Variants in LRRC17 observed in about 807,000 individuals in gnomAD.
The protein encoded by LRRC17 is leucine-rich repeat-containing protein 17.
Under a neutral mutation model 41.5 loss-of-function variants are expected in LRRC17, and 33 were observed. The ratio of observed to expected loss-of-function variants is 0.80; its 90% CI spans 0.60 to 1.06. LRRC17 has a LOEUF of 1.06. Among genes scored for constraint, LRRC17 ranks in the 50% least tolerant of loss-of-function variants. LRRC17 has a pLI of 0.00. For synonymous variants in LRRC17, 192 were observed against 197.0 expected (o/e 0.97, Z 0.21); for missense variants, 491 against 519.3 (o/e 0.95, Z 0.53).
intron 3 of LRRC17, 91 bp from the exon 4 acceptor site, chr7:102,944,119 C>A: frequency 4.2e-6 from 4 of 955,394 alleles, no homozygotes; most frequent in Non-Finnish European, 6.0e-6. Context: ...GAAAATTAAG[C>A]CTCTTTTTAA....
In LRRC17 at chr7:102,939,602, A is replaced by T; in HGVS notation, c.928+17A>T. 2 of 1,594,266 alleles carry T rather than the reference A, an allele frequency of 1.3e-6. No individual in the cohort carries two copies. The highest frequency in any genetic ancestry group is 1.7e-6 in the Non-Finnish European group (2 of 1,170,616). On this transcript the variant is annotated intron_variant, in intron 3 of 3. Transcript: ENST00000339431. Reference sequence around the variant, plus strand: ...TCGATCCTGGTAAGTTCCCCTGTATAGCCCCTTCAATGGGTGGCAAGTGTT... The same window carrying T: ...TCGATCCTGGTAAGTTCCCCTGTATTGCCCCTTCAATGGGTGGCAAGTGTT...
At chr7:102,934,955 C>T (rs982829990) in intron 2 of LRRC17, among the ~76,000 whole-genome samples, 6 of 152,208 alleles carry the variant, frequency 3.9e-5, no homozygotes, top group Admixed American at 6.5e-5. Flanking sequence ...CAAGCTGTCA[C>T]TGTAAGGAAT....
intron 1 of LRRC17, among the ~76,000 whole-genome samples, chr7:102,924,339 T>C (rs749704764): frequency 6.6e-6 from 1 of 152,096 alleles, no homozygotes; most frequent in Non-Finnish European, 1.5e-5. Context: ...CTGATTTAGA[T>C]CATCACTTCA....
intron 1 of LRRC17, among the ~76,000 whole-genome samples, chr7:102,924,238 C>CAA (rs564121170): frequency 3.7e-5 from 2 of 54,380 alleles, no homozygotes; most frequent in Non-Finnish European, 3.8e-5. Flanking sequence ...AACTCCGTCT[C>CAA]AAAAAAAAAA....
intron 3 of LRRC17, among the ~76,000 whole-genome samples, chr7:102,942,875 T>C (rs1175477891): frequency 2.0e-5 from 3 of 152,192 alleles, no homozygotes; most frequent in Non-Finnish European, 4.4e-5. Flanking sequence ...AATGAGATAA[T>C]GTTTGAAATA....
At chr7:102,920,484 G>T (rs1228909654) in intron 1 of LRRC17, among the ~76,000 whole-genome samples, 1 of 151,816 alleles carries the variant, frequency 6.6e-6, no homozygotes. Flanking sequence ...TGAGTAGCTG[G>T]GACTACAGGT....
chr7:102,916,067 T>C (rs1406282353), intron 1 of LRRC17, among the ~76,000 whole-genome samples: 2 of 151,694 alleles, frequency 1.3e-5, no homozygotes, highest in Admixed American at 1.3e-4. Flanking sequence ...CACTGCAACC[T>C]CCACCTCCCA....
intron 2 of LRRC17, among the ~76,000 whole-genome samples, chr7:102,937,345 CAA>C (rs373845836): frequency 7.0e-6 from 1 of 143,736 alleles, no homozygotes. Context: ...ACTAAAAATA[CAA>C]AAAAAAAAAA....
At chr7:102,933,582 G>C (rs1420494309) in intron 1 of LRRC17, 192 bp from the exon 2 acceptor site, 2 of 178,862 alleles carry the variant, frequency 1.1e-5, no homozygotes, top group Admixed American at 5.6e-5. Flanking sequence ...AAGCAGGTAA[G>C]AGAGCCTTGA....
intron 2 of LRRC17, among the ~76,000 whole-genome samples, chr7:102,937,721 T>C (rs1820607839): frequency 1.3e-5 from 2 of 152,208 alleles, no homozygotes; most frequent in Non-Finnish European, 2.9e-5. Flanking sequence ...TTTAGATTGA[T>C]GATGATAACT....
intron 1 of LRRC17, among the ~76,000 whole-genome samples, chr7:102,932,159 G>A (rs977181739): frequency 2.0e-5 from 3 of 152,140 alleles, no homozygotes; most frequent in Admixed American, 6.5e-5. Context: ...ATAGGAGTAA[G>A]GGGAAAAGAG....
At position 102,920,336 on chromosome 7, in the gene LRRC17, A is replaced by G. The variant is rs74783577; in HGVS notation, c.-141+7191A>G. 3.7e-3 allele frequency among the ~76,000 whole-genome samples: 569 copies of G among 152,260 alleles called. 5 individuals are homozygous for G. Among genetic ancestry groups the G allele is most frequent in the African/African-American group, 0.014 (562 of 41,534 alleles). ...AGTGCAGTAACATAAAAATCAAAAC[A>G]TAAAACAAGATGATAAAAATAAAAC... On this transcript the variant is annotated intron_variant, in intron 1 of 3. Transcript: ENST00000339431.
At position 102,944,683 on chromosome 7, in the gene LRRC17, T is replaced by A; in HGVS notation, c.*76T>A. 2 of 1,324,816 alleles carry A rather than the reference T, an allele frequency of 1.5e-6. No individual in the cohort carries two copies. The highest frequency in any genetic ancestry group is 2.0e-6 in the Non-Finnish European group (2 of 976,282). The allele number at this position is 1,324,816 out of a possible 1,614,324, so 82.1% of individuals were successfully genotyped here. A position where few individuals can be genotyped will look rare whatever the true frequency, so the allele number is the denominator to read the frequency against. ...TAGAAAACATATGTTTACATTTGAT[T>A]AACTGTGTTGCCTATTTATGCAGGG... On this transcript the variant is annotated 3_prime_UTR_variant, in exon 4 of 4. Coordinates refer to ENST00000339431, the MANE Select transcript of LRRC17 (RefSeq NM_001031692.3).
chr7:102,943,077 G>C (rs1271473459), intron 3 of LRRC17, among the ~76,000 whole-genome samples: 1 of 152,108 alleles, frequency 6.6e-6, no homozygotes, highest in African/African-American at 2.4e-5. Context: ...AAAGCTGATA[G>C]CTACCATAGT....
intron 3 of LRRC17, among the ~76,000 whole-genome samples, chr7:102,943,697 A>G (rs1821911793): frequency 1.3e-5 from 2 of 152,192 alleles, no homozygotes; most frequent in African/African-American, 4.8e-5. Flanking sequence ...GATACCACCC[A>G]TTACATATAC....
rs772740681 is a variant in LRRC17, at chr7:102,926,332, G to A, written c.-140-7442G>A. On this transcript the variant is annotated intron_variant, in intron 1 of 3. Coordinates refer to ENST00000339431, the MANE Select transcript of LRRC17 (RefSeq NM_001031692.3). ...GTTGTGTTAGACAGATTGAGACACA[G>A]GACCCCCGGGCAGCCCTCAGAAATG... is the stretch of plus-strand genomic sequence containing the variant. 1.6e-5 allele frequency: 26 copies of A among 1,613,926 alleles called. 1 individual carries two copies. In the South Asian group the frequency reaches 2.7e-4, roughly 17 times the overall value.
In LRRC17 at chr7:102,939,474, C is replaced by A; in HGVS notation, c.817C>A (p.Leu273Ile). The change falls in exon 3 of 4, where the codon CTT becomes ATT. Residue 273 changes from leucine (L) to isoleucine (I), a missense_variant. Physicochemically the swap from Leu to Ile is conservative, Grantham distance 5. Coordinates refer to ENST00000339431, the MANE Select transcript of LRRC17 (RefSeq NM_001031692.3). ...CAACATCCCTCCAGATATTGTTAAA[C>A]TTGACTTGTCATACAATAAAATCAA... Reference protein sequence around the residue: ...PNNIPPDIVKLDLSYNKINQL... With the variant: ...PNNIPPDIVKIDLSYNKINQL... 1.2e-6 allele frequency: 2 copies of A among 1,613,582 alleles called. No homozygotes were observed. The highest frequency in any genetic ancestry group is 1.7e-6 in the Non-Finnish European group (2 of 1,179,822).
At chr7:102,942,204 A>C in intron 3 of LRRC17, 1 of 1,016,174 alleles carries the variant, frequency 9.8e-7, no homozygotes, top group Non-Finnish European at 1.5e-6. Context: ...CTAGAACAAA[A>C]GTTCTTTTGA....
intron 1 of LRRC17, among the ~76,000 whole-genome samples, chr7:102,926,943 TAAA>T (rs1818252782): frequency 2.6e-5 from 4 of 152,100 alleles, no homozygotes; most frequent in African/African-American, 9.7e-5. Context: ...ATGGCTAAAA[TAAA>T]ATAGAGGCTA....
Sources: allele counts gnomAD v4.1 joint callset (sites outside exome capture counted in the v4.1 genomes callset), GRCh38; gene constraint gnomAD v4.1.1; transcripts MANE v1.5; gene names NCBI Gene and HGNC (gene_info 2026-07-23, HGNC 2026-07-21).